NRXN1: variants seen among roughly 807,000 people sequenced by gnomAD.
NRXN1 encodes the protein neurexin 1.
In NRXN1, 39 loss-of-function variants were observed where a neutral mutation model predicts 150.9. The observed-to-expected ratio is 0.26, with a 90% CI of 0.20 to 0.34. The LOEUF (loss-of-function observed/expected upper bound fraction) is 0.34. NRXN1 is among the 10% of genes least tolerant of loss of function. NRXN1 has a pLI of 1.00. For missense variants in NRXN1, 1,815 were observed against 1,949.9 expected, an observed-to-expected ratio of 0.93 and a Z score of 1.30; for synonymous variants, 924 against 757.0, an observed-to-expected ratio of 1.22 and a Z score of -3.62.
At chr2:50,819,677 A>AAAT (rs1669440489) in intron 5 of NRXN1, among the ~76,000 whole-genome samples, 1 of 152,072 alleles carries the variant, frequency 6.6e-6, no homozygotes, top group South Asian at 2.1e-4. Flanking sequence ...GATAAATTAC[A>AAAT]TGTTATGTTT....
At chr2:50,139,647 T>TTAA (rs1706975089) in intron 18 of NRXN1, among the ~76,000 whole-genome samples, 1 of 152,108 alleles carries the variant, frequency 6.6e-6, no homozygotes, top group Non-Finnish European at 1.5e-5. Flanking sequence ...ATGATCCAGT[T>TTAA]TAATAACCTC....
chr2:50,012,308 C>A (rs576938206), intron 21 of NRXN1, among the ~76,000 whole-genome samples: 2 of 152,116 alleles, frequency 1.3e-5, no homozygotes, highest in African/African-American at 4.8e-5. Flanking sequence ...ACTGCATTTA[C>A]AACTTGTATG....
chr2:50,214,506 G>T (rs1218527360), intron 18 of NRXN1, among the ~76,000 whole-genome samples: 1 of 151,858 alleles, frequency 6.6e-6, no homozygotes. Context: ...GTCAACATTA[G>T]TATGACTAAT....
chr2:50,626,662 A>G (rs948975461), intron 5 of NRXN1, among the ~76,000 whole-genome samples: 6 of 151,954 alleles, frequency 3.9e-5, no homozygotes, highest in Non-Finnish European at 5.9e-5. Context: ...AATCTGTGAA[A>G]ACTTGTCAGA....
chr2:50,984,204 C>T (rs1697316685), intron 2 of NRXN1, among the ~76,000 whole-genome samples: 1 of 133,338 alleles, frequency 7.5e-6, no homozygotes, highest in Admixed American at 8.5e-5. Flanking sequence ...AGGCTGGTCT[C>T]AAACTCCTGA....
intron 18 of NRXN1, among the ~76,000 whole-genome samples, chr2:50,180,573 G>A (rs2060643671): frequency 6.6e-6 from 1 of 152,030 alleles, no homozygotes; most frequent in Non-Finnish European, 1.5e-5. Context: ...GAGCTTTGGG[G>A]AGAAGGGTTC....
In NRXN1 at chr2:50,444,558, T is replaced by G. The variant is rs1391980327; in HGVS notation, c.3364+20884A>C. Among the ~76,000 whole-genome samples, 11 of 152,258 alleles carry G rather than the reference T, an allele frequency of 7.2e-5. No individual in the cohort carries two copies. In the South Asian group the frequency reaches 2.1e-3, roughly 29 times the overall value. On this transcript the variant is annotated intron_variant, in intron 17 of 22. Coordinates refer to ENST00000401669, the MANE Select transcript of NRXN1 (RefSeq NM_001330078.2). ...TCTACTCGAATTACGTGTCTGCCTA[T>G]CGGACCTTTTTAAAGTAGGTATTGG...
At chr2:50,437,803 C>G (rs1288937235) in intron 17 of NRXN1, among the ~76,000 whole-genome samples, 1 of 152,084 alleles carries the variant, frequency 6.6e-6, no homozygotes, top group East Asian at 1.9e-4. Flanking sequence ...CACCAAGAAT[C>G]CATGGATAAT....
chr2:50,523,652 G>A (rs2092858937), intron 12 of NRXN1, among the ~76,000 whole-genome samples: 2 of 151,954 alleles, frequency 1.3e-5, no homozygotes, highest in Non-Finnish European at 2.9e-5. Flanking sequence ...TTTTCATTCT[G>A]GTAATAAAAT....
chr2:50,531,083 A>G, intron 11 of NRXN1, 144 bp downstream of exon 11: 1 of 589,768 alleles, frequency 1.7e-6, no homozygotes, highest in Non-Finnish European at 2.9e-6. Context: ...GCCCCCGAAA[A>G]CCTCAAATTA....
At chr2:50,040,942 T>G (rs1391371886) in intron 21 of NRXN1, among the ~76,000 whole-genome samples, 2 of 152,190 alleles carry the variant, frequency 1.3e-5, no homozygotes, top group Admixed American at 1.3e-4. Context: ...TGTAAACATG[T>G]GCCATGTTGG....
At chr2:50,725,217 T>A (rs1293930859) in intron 5 of NRXN1, among the ~76,000 whole-genome samples, 1 of 152,072 alleles carries the variant, frequency 6.6e-6, no homozygotes, top group Non-Finnish European at 1.5e-5. Context: ...CTTTTTTTTT[T>A]AACCTATTAA....
intron 19 of NRXN1, among the ~76,000 whole-genome samples, chr2:50,071,745 G>T (rs971943535): frequency 6.6e-6 from 1 of 152,134 alleles, no homozygotes; most frequent in Admixed American, 6.5e-5. Flanking sequence ...ATAATATATT[G>T]TTAGTTTATT....
At chr2:50,528,221 C>T (rs184906268) in intron 12 of NRXN1, among the ~76,000 whole-genome samples, 9 of 141,822 alleles carry the variant, frequency 6.3e-5, no homozygotes, top group African/African-American at 1.9e-4. Flanking sequence ...TAGTAACTCT[C>T]GAAGTAAGAG....
intron 21 of NRXN1, among the ~76,000 whole-genome samples, chr2:50,045,892 G>A (rs1240729549): frequency 6.6e-6 from 1 of 152,146 alleles, no homozygotes; most frequent in East Asian, 1.9e-4. Flanking sequence ...GAGATATCGA[G>A]AATCATGAGC....
At chr2:51,018,346 T>C (rs1669066755) in intron 2 of NRXN1, among the ~76,000 whole-genome samples, 1 of 152,066 alleles carries the variant, frequency 6.6e-6, no homozygotes, top group Non-Finnish European at 1.5e-5. Context: ...GTGGTGTCAG[T>C]GCATTTCTAA....
chr2:50,181,685 T>G, intron 18 of NRXN1, among the ~76,000 whole-genome samples: 1 of 152,134 alleles, frequency 6.6e-6, no homozygotes, highest in East Asian at 1.9e-4. Flanking sequence ...ATTCCACGGA[T>G]GAGTTTTACT....
intron 12 of NRXN1, among the ~76,000 whole-genome samples, chr2:50,507,140 T>C (rs1337543813): frequency 6.6e-6 from 1 of 152,178 alleles, no homozygotes; most frequent in African/African-American, 2.4e-5. Flanking sequence ...GAAGGTACTA[T>C]CTTGTGTGAT....
At chr2:50,427,363 C>CA (rs35782406) in intron 17 of NRXN1, among the ~76,000 whole-genome samples, 25,460 of 100,902 alleles carry the variant, frequency 0.25, 4,095 homozygotes, top group African/African-American at 0.48. Flanking sequence ...TATATTCTGC[C>CA]AAAAAAAAAA....
Sources: gnomAD v4.1 joint callset for allele counts (sites outside exome capture counted in the v4.1 genomes callset) on GRCh38, gnomAD v4.1.1 for gene constraint, MANE v1.5 for transcripts, NCBI Gene and HGNC (gene_info 2026-07-23, HGNC 2026-07-21) for gene names.